BSN: variants seen among roughly 807,000 people sequenced by gnomAD.
The protein encoded by BSN is bassoon presynaptic cytomatrix protein, also known as protein bassoon.
A neutral mutation model predicts 264.8 loss-of-function variants in BSN; 57 were observed. That is an observed-to-expected ratio of 0.22 (90% confidence interval 0.17 to 0.27). BSN has a LOEUF of 0.27. BSN is among the 10% of genes least tolerant of loss of function. BSN has a pLI of 1.00. For missense variants in BSN, 4,615 were observed against 5,232.5 expected (o/e 0.88, Z 3.64); for synonymous variants, 2,059 against 2,137.3 (o/e 0.96, Z 1.01).
chr3:49,586,145 C>T (rs1264205059), intron 1 of BSN, among the ~76,000 whole-genome samples: 1 of 152,048 alleles, frequency 6.6e-6, no homozygotes, highest in African/African-American at 2.4e-5. Context: ...GTTGCCTGTG[C>T]TTGTTGGGTA....
chr3:49,554,885 G>A lies in BSN; in HGVS notation c.224+59G>A, dbSNP rs1328086122. The A allele has an allele frequency of 3.8e-6, 4 of 1,049,904 alleles. No homozygotes were observed. In the African/African-American group the frequency reaches 6.7e-5, roughly 18 times the overall value. 65.0% of individuals were successfully genotyped at this position (1,049,904 alleles called of 1,614,324 possible). A position where few individuals can be genotyped will look rare whatever the true frequency, so the allele number is the denominator to read the frequency against. On this transcript the variant is annotated intron_variant, in intron 1 of 11. Transcript: ENST00000296452. The stretch of plus-strand genomic sequence containing the variant: ...AGCTGCAGCCTGAGGCCGGGACCCG[G>A]GCCCAGGATCCCGCGATCTAGTGTG...
chr3:49,602,445 ATT>A (rs752244991), intron 1 of BSN, among the ~76,000 whole-genome samples: 26 of 138,960 alleles, frequency 1.9e-4, no homozygotes, highest in Admixed American at 2.9e-4. Context: ...CTCTCTTTAA[ATT>A]TTTTTTTTTT....
At chr3:49,672,291 C>T (rs548024158), downstream of BSN, among the ~76,000 whole-genome samples, 31 of 152,130 alleles carry the variant, frequency 2.0e-4, no homozygotes, top group Admixed American at 5.9e-4. Context: ...GCCAGTCTAC[C>T]ACACACAATC....
At chr3:49,617,170 T>G (rs982221866) in intron 1 of BSN, among the ~76,000 whole-genome samples, 1 of 152,144 alleles carries the variant, frequency 6.6e-6, no homozygotes, top group East Asian at 1.9e-4. Flanking sequence ...AAAACCTAGA[T>G]GACGGGTTAA....
chr3:49,662,434 A>T lies in BSN; in HGVS notation c.10589A>T (p.Gln3530Leu). The part of the protein sequence containing the change: ...PLPPGGDTCP[Q>L]FCSSHSMPDV... Reference sequence around the variant, plus strand: ...CCTCCCGGCGGGGATACCTGCCCACAGTTCTGCTCCAGCCACTCCATGCCT... The same window carrying T: ...CCTCCCGGCGGGGATACCTGCCCACTGTTCTGCTCCAGCCACTCCATGCCT... The change falls in exon 6 of 12, where the codon CAG (glutamine) becomes CTG (leucine). Residue 3530 changes from glutamine (Q) to leucine (L), a missense_variant. By Grantham distance (113) the Gln-to-Leu change is moderately radical. Around this residue, in one of 3 missense-constraint regions of BSN, gnomAD observed 3,415 missense variants for 3,866.4 expected, o/e 0.88. Coordinates refer to ENST00000296452, the MANE Select transcript of BSN (RefSeq NM_003458.4). 1 of 1,613,472 alleles carries T rather than the reference A, an allele frequency of 6.2e-7. No individual in the cohort carries two copies. The highest frequency in any genetic ancestry group is 8.5e-7 in the Non-Finnish European group (1 of 1,180,018).
In BSN at chr3:49,656,463, G is replaced by A. The variant is rs950912153; in HGVS notation, c.6907G>A (p.Val2303Ile). The A allele has an allele frequency of 1.9e-6, 3 of 1,598,030 alleles. No individual in the cohort carries two copies. Among genetic ancestry groups the A allele is most frequent in the Non-Finnish European group, 2.6e-6 (3 of 1,171,004 alleles). ...AGGPSRPEMP[V>I]GAAREEPLPT... is the part of the protein sequence containing the mutation. ...GGGCCCTTCAAGGCCAGAGATGCCA[G>A]TAGGGGCTGCACGGGAAGAGCCTCT... The change falls in exon 5 of 12, where the codon GTA becomes ATA. Residue 2303 changes from valine to isoleucine, a missense_variant. Around this residue, in one of 3 missense-constraint regions of BSN, gnomAD observed 3,415 missense variants for 3,866.4 expected, o/e 0.88. Coordinates refer to ENST00000296452, the MANE Select transcript of BSN (RefSeq NM_003458.4).
intron 1 of BSN, among the ~76,000 whole-genome samples, chr3:49,609,333 G>A (rs1285819723): frequency 1.3e-5 from 2 of 151,552 alleles, no homozygotes; most frequent in African/African-American, 4.9e-5. Context: ...AAACTCCTAG[G>A]CACAAGCGAT....
chr3:49,593,782 T>G (rs1202684667), intron 1 of BSN, among the ~76,000 whole-genome samples: 1 of 150,206 alleles, frequency 6.7e-6, no homozygotes, highest in Admixed American at 6.6e-5. Flanking sequence ...TACTAGTTTT[T>G]TTTTTGTTTT....
At position 49,572,384 on chromosome 3, in the gene BSN, A is replaced by G. The variant is rs1223859140; in HGVS notation, c.224+17558A>G. 3.3e-5 allele frequency among the ~76,000 whole-genome samples: 5 copies of G among 152,174 alleles called. No individual in the cohort carries two copies. The East Asian group carries it at 7.7e-4, about 23-fold the overall frequency. ...GGGTGATGGATCAAGGAACACATTTAGGGGAAAATATCACAATCCAACTTG... is the reference window on the plus strand; with the variant it reads ...GGGTGATGGATCAAGGAACACATTTGGGGGAAAATATCACAATCCAACTTG... On this transcript the variant is annotated intron_variant, in intron 1 of 11. Transcript: ENST00000296452.
intron 1 of BSN, among the ~76,000 whole-genome samples, chr3:49,600,207 CCCAGGCCTTGAAGAA>C (rs2052061842): frequency 6.6e-6 from 1 of 152,118 alleles, no homozygotes; most frequent in Non-Finnish European, 1.5e-5. Flanking sequence ...GCAGCCTGAG[CCCAGGCCTTGAAGAA>C]CCAGGCCTTG....
At chr3:49,595,832 A>C (rs2052018611) in intron 1 of BSN, among the ~76,000 whole-genome samples, 1 of 151,858 alleles carries the variant, frequency 6.6e-6, no homozygotes, top group South Asian at 2.1e-4. Flanking sequence ...ATAATTTTAC[A>C]TTTTTTTGGT....
chr3:49,609,678 G>C (rs1457873075), intron 1 of BSN, among the ~76,000 whole-genome samples: 2 of 152,112 alleles, frequency 1.3e-5, no homozygotes, highest in South Asian at 2.1e-4. Flanking sequence ...AATATAACTG[G>C]TATGAGCGTT....
At chr3:49,605,470 AT>A (rs2052112033) in intron 1 of BSN, among the ~76,000 whole-genome samples, 1 of 9,230 alleles carries the variant, frequency 1.1e-4, no homozygotes, top group Non-Finnish European at 1.7e-4. Flanking sequence ...ATTATATATA[AT>A]ATATATTATA....
intron 1 of BSN, among the ~76,000 whole-genome samples, chr3:49,597,923 G>A (rs145917529): frequency 1.9e-4 from 29 of 152,244 alleles, no homozygotes; most frequent in African/African-American, 5.8e-4. Flanking sequence ...GATTACAGGC[G>A]TGAGCCACCA....
intron 1 of BSN, among the ~76,000 whole-genome samples, chr3:49,620,757 G>A (rs1056710032): frequency 1.3e-5 from 2 of 152,198 alleles, no homozygotes; most frequent in African/African-American, 4.8e-5. Flanking sequence ...GGGAGGCTGA[G>A]GTGGGCGGAT....
rs148252432 is a variant in BSN, at chr3:49,663,324, G to C, written c.11166G>C (p.Lys3722Asn). 3.7e-6 allele frequency: 6 copies of C among 1,613,924 alleles called. No individual in the cohort carries two copies. The highest frequency in any genetic ancestry group is 5.1e-6 in the Non-Finnish European group (6 of 1,180,028). ...CATACCATCATGCCTCTGACAGCAA[G>C]AAGGGCTCCCGGCAAGCCCACTCCG... ...SSAYHHASDSKKGSRQAHSGP... is the reference protein window; with the variant it reads ...SSAYHHASDSNKGSRQAHSGP... The change falls in exon 7 of 12, where the codon AAG becomes AAC. Residue 3722 changes from lysine (K) to asparagine (N), a missense_variant. Coordinates refer to ENST00000296452, the MANE Select transcript of BSN (RefSeq NM_003458.4).
chr3:49,608,041 G>A (rs760088630), intron 1 of BSN, among the ~76,000 whole-genome samples: 7 of 152,314 alleles, frequency 4.6e-5, no homozygotes, highest in Middle Eastern at 3.4e-3. Flanking sequence ...CCTCTCCTGC[G>A]GGAAGCCTCT....
In BSN at chr3:49,657,299, C is replaced by T. The variant is rs142698709; in HGVS notation, c.7743C>T (p.Ala2581=). 2.2e-5 allele frequency: 35 copies of T among 1,613,342 alleles called. No homozygotes were observed. The African/African-American group carries it at 4.0e-4, about 18-fold the overall frequency. Reference sequence around the variant, plus strand: ...AGCCCTGTGTGGTCAGGAGGATTGCCGACAGCAGCGTGCAGACAGACGATG... The same window carrying T: ...AGCCCTGTGTGGTCAGGAGGATTGCTGACAGCAGCGTGCAGACAGACGATG... ...GTEPCVVRRI[A]DSSVQTDDED... Residue 2581 remains alanine (A), a synonymous_variant, in exon 5 of 12, where the codon GCC becomes GCT. Coordinates refer to ENST00000296452, the MANE Select transcript of BSN (RefSeq NM_003458.4).
At chr3:49,648,900 T>C (rs1245652101) in intron 3 of BSN, among the ~76,000 whole-genome samples, 1 of 152,232 alleles carries the variant, frequency 6.6e-6, no homozygotes, top group Non-Finnish European at 1.5e-5. Context: ...CTGGGACTTG[T>C]GCATGAGGTT....
Sources: allele counts gnomAD v4.1 joint callset (sites outside exome capture counted in the v4.1 genomes callset), GRCh38; gene constraint gnomAD v4.1.1; regional missense constraint gnomAD v4.1.1; transcripts MANE v1.5; gene names NCBI Gene and HGNC (gene_info 2026-07-23, HGNC 2026-07-21).